The following SIPA1L1 variants were observed in gnomAD, a reference collection of about 807,000 sequenced individuals.
SIPA1L1 encodes the protein signal-induced proliferation-associated 1-like protein 1.
Under a neutral mutation model 162.7 loss-of-function variants are expected in SIPA1L1, and 26 were observed. The ratio of observed to expected loss-of-function variants is 0.16; its 90% CI spans 0.12 to 0.22. SIPA1L1 has a LOEUF of 0.22. SIPA1L1 is among the 10% of genes least tolerant of loss of function. The pLI, the probability that SIPA1L1 is intolerant of heterozygous loss-of-function variation, is 1.00. For synonymous variants in SIPA1L1, 829 were observed against 837.4 expected, an observed-to-expected ratio of 0.99 and a Z score of 0.17; for missense variants, 1,874 against 2,241.0, an observed-to-expected ratio of 0.84 and a Z score of 3.31.
At chr14:71,405,567 G>T (rs1000232295) in intron 2 of SIPA1L1, among the ~76,000 whole-genome samples, 4 of 152,148 alleles carry the variant, frequency 2.6e-5, no homozygotes, top group Non-Finnish European at 5.9e-5. Flanking sequence ...TGCCCCTTCT[G>T]GGGTAAAGGC....
chr14:71,342,365 AT>A (rs2140436672), intron 2 of SIPA1L1, among the ~76,000 whole-genome samples: 1 of 152,270 alleles, frequency 6.6e-6, no homozygotes, highest in East Asian at 1.9e-4. Flanking sequence ...GCTGGGTTGA[AT>A]GTAGCTCTGT....
intron 3 of SIPA1L1, among the ~76,000 whole-genome samples, chr14:71,524,933 C>T (rs989441779): frequency 1.2e-4 from 19 of 152,118 alleles, no homozygotes; most frequent in Non-Finnish European, 2.4e-4. Flanking sequence ...TCCATTCTTA[C>T]CTCTATGGGA....
rs1285468859 is a variant in SIPA1L1 at position 71,618,794 on chromosome 14, T to C, written c.1536T>C (p.Gly512=). The change falls in exon 6 of 24, where the codon GGT becomes GGC. Residue 512 remains glycine (G), a synonymous_variant. Coordinates refer to ENST00000381232, the MANE Select transcript of SIPA1L1 (RefSeq NM_001386936.1). The part of the protein sequence containing the change: ...WNYFGADENL[G]PVAVSIRREK... ...ATTTTGGGGCTGATGAGAATCTTGG[T>C]CCAGTGGCTGTGAGCATTCGAAGGG... is the stretch of plus-strand genomic sequence containing the variant. 1 of 1,613,974 alleles carries C rather than the reference T, an allele frequency of 6.2e-7. No homozygotes were observed. Among genetic ancestry groups the C allele is most frequent in the Non-Finnish European group, 8.5e-7 (1 of 1,179,918 alleles).
At chr14:71,552,747 A>T (rs1266847897) in intron 4 of SIPA1L1, among the ~76,000 whole-genome samples, 2 of 152,066 alleles carry the variant, frequency 1.3e-5, no homozygotes, top group Admixed American at 6.6e-5. Context: ...TATCCTTAGT[A>T]TGAAAGTTCA....
chr14:71,655,758 G>T (rs780297766), intron 8 of SIPA1L1, among the ~76,000 whole-genome samples: 1 of 152,056 alleles, frequency 6.6e-6, no homozygotes, highest in Non-Finnish European at 1.5e-5. Context: ...TTGGCTACGT[G>T]TATGTCTTCT....
At chr14:71,693,414 A>T (rs1182057897) in intron 13 of SIPA1L1, among the ~76,000 whole-genome samples, 6 of 152,046 alleles carry the variant, frequency 3.9e-5, no homozygotes, top group Admixed American at 3.9e-4. Context: ...CAGAAGAATC[A>T]CTTGAACCTG....
At chr14:71,723,962 C>T in intron 18 of SIPA1L1, 76 bp downstream of exon 18, 3 of 1,571,894 alleles carry the variant, frequency 1.9e-6, no homozygotes, top group Non-Finnish European at 2.6e-6. Context: ...GGCGTGATCT[C>T]TTACAACAAA....
At chr14:71,372,113 T>C (rs2038945533) in intron 2 of SIPA1L1, among the ~76,000 whole-genome samples, 1 of 152,216 alleles carries the variant, frequency 6.6e-6, no homozygotes, top group Non-Finnish European at 1.5e-5. Context: ...TTTAATTTTT[T>C]AAAGGACATG....
chr14:71,418,495 A>G (rs928500195), intron 2 of SIPA1L1, among the ~76,000 whole-genome samples: 1 of 152,154 alleles, frequency 6.6e-6, no homozygotes, highest in African/African-American at 2.4e-5. Flanking sequence ...CCCACCCCCT[A>G]CTGTCCCTAT....
chr14:71,641,739 A>G (rs1321100348), intron 7 of SIPA1L1, among the ~76,000 whole-genome samples: 1 of 152,252 alleles, frequency 6.6e-6, no homozygotes, highest in Non-Finnish European at 1.5e-5. Flanking sequence ...AAACAAAAAA[A>G]GTAGAAGGCA....
intron 7 of SIPA1L1, among the ~76,000 whole-genome samples, chr14:71,641,718 G>A (rs557020917): frequency 2.2e-4 from 33 of 152,290 alleles, no homozygotes; most frequent in Middle Eastern, 3.4e-3. Context: ...GCGAGACTCC[G>A]TCTCAAAAAC....
intron 17 of SIPA1L1, among the ~76,000 whole-genome samples, chr14:71,713,371 A>G (rs562070477): frequency 6.6e-6 from 1 of 152,256 alleles, no homozygotes; most frequent in African/African-American, 2.4e-5. Context: ...ATGAGAGCAT[A>G]CATAGAGTCT....
At chr14:71,483,797 T>A (rs181725059) in intron 2 of SIPA1L1, among the ~76,000 whole-genome samples, 100 of 152,288 alleles carry the variant, frequency 6.6e-4, no homozygotes, top group African/African-American at 2.2e-3. Context: ...CTTCAAGCCT[T>A]GTGATGGGAA....
chr14:71,661,223 G>A (rs1370019583), intron 9 of SIPA1L1, 87 bp from the exon 10 acceptor site: 2 of 1,407,254 alleles, frequency 1.4e-6, no homozygotes, highest in Non-Finnish European at 9.8e-7. Flanking sequence ...AGGAATGGAT[G>A]TTTTAAATAC....
intron 2 of SIPA1L1, among the ~76,000 whole-genome samples, chr14:71,348,458 C>T (rs554301317): frequency 3.3e-5 from 5 of 152,134 alleles, no homozygotes; most frequent in Non-Finnish European, 5.9e-5. Flanking sequence ...AATAGTTTTC[C>T]GTTGTATCAA....
At chr14:71,419,035 G>A (rs778666102) in intron 2 of SIPA1L1, among the ~76,000 whole-genome samples, 1 of 152,298 alleles carries the variant, frequency 6.6e-6, no homozygotes, top group Non-Finnish European at 1.5e-5. Flanking sequence ...GTATGGGTGG[G>A]CAGCCCTTCC....
chr14:71,577,567 T>TG (rs1320405114), intron 4 of SIPA1L1, among the ~76,000 whole-genome samples: 2 of 151,500 alleles, frequency 1.3e-5, no homozygotes, highest in African/African-American at 4.9e-5. Flanking sequence ...TTAGTAGAGG[T>TG]GGGGTTTCAC....
chr14:71,635,005 C>T (rs941943247), intron 7 of SIPA1L1, among the ~76,000 whole-genome samples: 4 of 151,484 alleles, frequency 2.6e-5, no homozygotes, highest in Non-Finnish European at 4.4e-5. Context: ...TGGGAGGGCA[C>T]GGTGGCTCAC....
chr14:71,684,537 T>C (rs911361283), intron 12 of SIPA1L1, among the ~76,000 whole-genome samples: 6 of 152,220 alleles, frequency 3.9e-5, no homozygotes, highest in African/African-American at 1.4e-4. Context: ...AGTGAAATGG[T>C]CTGTAAGCTG....
Sources: allele counts gnomAD v4.1 joint callset (sites outside exome capture counted in the v4.1 genomes callset), GRCh38; gene constraint gnomAD v4.1.1; transcripts MANE v1.5; gene names NCBI Gene and HGNC (gene_info 2026-07-23, HGNC 2026-07-21).